The following SEMA4G variants were observed in gnomAD, a reference collection of about 807,000 sequenced individuals.
SEMA4G encodes semaphorin 4G.
A neutral mutation model predicts 81.2 loss-of-function variants in SEMA4G; 59 were observed. The ratio of observed to expected loss-of-function variants is 0.73; its 90% CI spans 0.59 to 0.90. SEMA4G has a LOEUF of 0.90. SEMA4G is among the 40% of genes least tolerant of loss of function. The pLI is 0.00. For missense variants in SEMA4G, 952 were observed against 1,102.3 expected (o/e 0.86, Z 1.93); for synonymous variants, 404 against 433.9 (o/e 0.93, Z 0.86).
chr10:100,980,693 G>C (rs1395507326), exon 11 of SEMA4G: 19 of 1,612,540 alleles, frequency 1.2e-5, no homozygotes, highest in Non-Finnish European at 1.6e-5. Flanking sequence ...CTCTATTGCA[G>C]GTAGCCCTTC....
intron 3 of SEMA4G, among the ~76,000 whole-genome samples, chr10:100,976,789 T>C (rs1850808535): frequency 6.6e-6 from 1 of 152,250 alleles, no homozygotes; most frequent in Admixed American, 6.5e-5. Context: ...GTTTATAACA[T>C]ACCCCTTTGT....
chr10:100,977,784 C>T, intron 4 of SEMA4G, 54 bp downstream of exon 5: 2 of 1,426,764 alleles, frequency 1.4e-6, no homozygotes, highest in Non-Finnish European at 2.0e-6. Flanking sequence ...GGGATGGGAT[C>T]ATGTTCAAGA....
rs1850928358 is a variant in SEMA4G, at chr10:100,979,019, G to C, written c.813+1G>C. The C allele has an allele frequency of 6.2e-7, 1 of 1,613,900 alleles. No homozygotes were observed. The highest frequency in any genetic ancestry group is 1.1e-5 in the South Asian group (1 of 91,090). On this transcript the variant is annotated splice_donor_variant, in intron 7 of 13. Transcript: ENST00000370250. LOFTEE classifies it high-confidence loss of function. ...GGCCCGTGTGGCTCGTGTCTGCAAG[G>C]TGGATTGGGCTGACGTTGGGGCACG...
chr10:100,977,274 A>C (rs1047689416), intron 3 of SEMA4G, among the ~76,000 whole-genome samples: 4 of 152,174 alleles, frequency 2.6e-5, no homozygotes, highest in African/African-American at 4.8e-5. Context: ...AGGAGTTCCA[A>C]GAATAGAAAG....
At chr10:100,983,653 C>G in exon 14 of SEMA4G, 1 of 1,613,612 alleles carries the variant, frequency 6.2e-7, no homozygotes, top group South Asian at 1.1e-5. Flanking sequence ...TATGTGCTAG[C>G]CATTGCCGCG....
chr10:100,974,891 C>G (rs540653190), intron 3 of SEMA4G: 232 of 428,592 alleles, frequency 5.4e-4, no homozygotes, highest in Middle Eastern at 3.2e-3. Context: ...GCAGGAGGAT[C>G]ACTTGAGCCC....
chr10:100,970,774 C>T (rs1431168778), upstream of SEMA4G, among the ~76,000 whole-genome samples: 1 of 152,232 alleles, frequency 6.6e-6, no homozygotes, highest in Non-Finnish European at 1.5e-5. Flanking sequence ...CGTGTGAGCA[C>T]ACATGTACTT....
chr10:100,982,521 G>A (rs1009587701), intron 13 of SEMA4G, among the ~76,000 whole-genome samples: 2 of 152,224 alleles, frequency 1.3e-5, no homozygotes, highest in African/African-American at 2.4e-5. Context: ...GGCCGGGCAC[G>A]GTGGCTCATG....
At chr10:100,980,546 T>TG (rs753413769) in intron 10 of SEMA4G, 32 bp from the exon 12 acceptor site, 1 of 1,573,474 alleles carries the variant, frequency 6.4e-7, no homozygotes, top group Admixed American at 1.7e-5. Context: ...ATCCCATAGT[T>TG]GGGGTCTAAC....
At chr10:100,979,462 A>G (rs1178177503) in intron 8 of SEMA4G, 191 bp downstream of exon 9, 2 of 1,420,234 alleles carry the variant, frequency 1.4e-6, no homozygotes, top group Non-Finnish European at 1.9e-6. Context: ...GGCTCACTGC[A>G]ATCTCCGCCT....
At chr10:100,983,673 C>A in exon 14 of SEMA4G, 1 of 1,613,446 alleles carries the variant, frequency 6.2e-7, no homozygotes, top group South Asian at 1.1e-5. Flanking sequence ...GCTTGGTGGC[C>A]TCTGCCTCAT....
chr10:100,971,600 C>T (rs1436339480), upstream of SEMA4G, among the ~76,000 whole-genome samples: 1 of 152,160 alleles, frequency 6.6e-6, no homozygotes, highest in Non-Finnish European at 1.5e-5. Context: ...CACCCTCTGG[C>T]CCTGCCTGTG....
At chr10:100,969,786 C>A (rs1291112691), upstream of SEMA4G, 6 of 440,592 alleles carry the variant, frequency 1.4e-5, no homozygotes, top group Non-Finnish European at 2.8e-5. Flanking sequence ...GGGTGCAAAC[C>A]GGCCACCACG....
chr10:100,985,275 C>G (rs1851385462), downstream of SEMA4G: 1 of 185,204 alleles, frequency 5.4e-6, no homozygotes, highest in East Asian at 1.4e-4. Context: ...GCTCCTACCC[C>G]TGTCCTACCT....
intron 13 of SEMA4G, 170 bp downstream of exon 14, chr10:100,981,399 G>T: frequency 6.2e-7 from 1 of 1,612,938 alleles, no homozygotes; most frequent in Non-Finnish European, 8.5e-7. Flanking sequence ...AACATTTACT[G>T]CCCAAATGAA....
intron 8 of SEMA4G, among the ~76,000 whole-genome samples, chr10:100,979,530 G>T (rs1850956597): frequency 6.6e-6 from 1 of 152,066 alleles, no homozygotes; most frequent in South Asian, 2.1e-4. Flanking sequence ...CTATAGGCGT[G>T]TGCCACCACG....
chr10:100,977,433 G>T (rs1850848473), intron 3 of SEMA4G, among the ~76,000 whole-genome samples, 199 bp from the exon 5 acceptor site: 2 of 152,320 alleles, frequency 1.3e-5, no homozygotes, highest in South Asian at 4.1e-4. Context: ...ACAGAGGAGA[G>T]AAATAGGGTC....
exon 8 of SEMA4G, chr10:100,979,136 A>C: frequency 6.2e-7 from 1 of 1,614,206 alleles, no homozygotes; most frequent in South Asian, 1.1e-5. Context: ...CTGCAGAAGA[A>C]GTGGACTTCC....
At position 100,980,814 on chromosome 10, in the gene SEMA4G, G is replaced by A; in HGVS notation, c.1468-8G>A. 1.3e-6 allele frequency: 2 copies of A among 1,563,156 alleles called. No individual in the cohort carries two copies. The highest frequency in any genetic ancestry group is 1.7e-6 in the Non-Finnish European group (2 of 1,158,888). On this transcript the variant is annotated splice_region_variant and splice_polypyrimidine_tract_variant and intron_variant, in intron 11 of 13. Coordinates refer to ENST00000370250, the Ensembl canonical transcript of SEMA4G. ...CGCTGCCGACCAACTGTCCTATCTG[G>A]CTCCCAGCACAGCCTCTATGTGGGG...
Sources: allele counts gnomAD v4.1 joint callset (sites outside exome capture counted in the v4.1 genomes callset), GRCh38; gene constraint gnomAD v4.1.1; transcripts MANE v1.5; gene names NCBI Gene and HGNC (gene_info 2026-07-23, HGNC 2026-07-21).